MPRIP: variants seen among roughly 807,000 people sequenced by gnomAD.
MPRIP encodes myosin phosphatase Rho-interacting protein.
A neutral mutation model predicts 234.9 loss-of-function variants in MPRIP; 59 were observed. The ratio of observed to expected loss-of-function variants is 0.25; its 90% CI spans 0.20 to 0.31. MPRIP has a LOEUF of 0.31. Among genes scored for constraint, MPRIP ranks in the 10% least tolerant of loss-of-function variants. MPRIP has a pLI of 1.00. For missense variants in MPRIP, 2,436 were observed against 3,071.0 expected (o/e 0.79, Z 4.89); for synonymous variants, 1,144 against 1,263.9 (o/e 0.91, Z 2.01).
intron 3 of MPRIP, among the ~76,000 whole-genome samples, chr17:17,080,992 C>G (rs1390439365): frequency 6.6e-6 from 1 of 152,138 alleles, no homozygotes; most frequent in Non-Finnish European, 1.5e-5. Flanking sequence ...GTGGCACTCC[C>G]TACGTGGTGC....
intron 16 of MPRIP, chr17:17,168,277 C>G (rs377120844): frequency 3.6e-6 from 1 of 276,608 alleles, no homozygotes. Flanking sequence ...GCCCCGGGAA[C>G]CCCGTCTGGC....
In MPRIP at chr17:17,154,393, A is replaced by T. The variant is rs777305702; in HGVS notation, c.1807A>T (p.Thr603Ser). 6.2e-7 allele frequency: 1 copy of T among 1,613,960 alleles called. No homozygotes were observed. The highest frequency in any genetic ancestry group is 8.5e-7 in the Non-Finnish European group (1 of 1,179,992). ...IQTIMKHVHP[T>S]TAPDVTSSLP... ...GACCATCATGAAGCACGTGCACCCG[A>T]CCACTGCCCCGGATGTGACCAGGTA... Residue 603 changes from threonine to serine, a missense_variant, in exon 13 of 24, where the codon ACC becomes TCC. Physicochemically the swap from Thr to Ser is moderately conservative, Grantham distance 58. This residue lies in a region of MPRIP where 1,998 missense variants were observed against 2,520.3 expected (regional missense o/e 0.79). Transcript: ENST00000651222.
chr17:17,185,303 A>G lies in MPRIP; in HGVS notation c.*409A>G. On this transcript the variant is annotated 3_prime_UTR_variant, in exon 24 of 24. Transcript: ENST00000651222. ...ACGCCTCAAGGTAGATGGAATCCCC[A>G]CTGGTCAGAGAAAAAGCTATGCGGA... 1 of 353,324 alleles carries G rather than the reference A, an allele frequency of 2.8e-6. No individual in the cohort carries two copies. The highest frequency in any genetic ancestry group is 7.6e-5 in the East Asian group (1 of 13,192). The allele number at this position is 353,324 out of a possible 1,614,324, so 21.9% of individuals were successfully genotyped here.
Position 17,154,293 on chromosome 17 carries a change from CT to C in MPRIP, c.1720-9del. On this transcript the variant is annotated splice_polypyrimidine_tract_variant and intron_variant, in intron 12 of 23. Coordinates refer to ENST00000651222, the MANE Select transcript of MPRIP (RefSeq NM_001364716.4). ...GGGACAGTCACTGATGGTGCCTCAT[CT>C]TTTCTCTGTAGACAAAGGAGGGCGA... 6.2e-7 allele frequency: 1 copy of C among 1,613,014 alleles called. No individual in the cohort carries two copies. The highest frequency in any genetic ancestry group is 8.5e-7 in the Non-Finnish European group (1 of 1,179,316).
chr17:17,045,867 G>T (rs1597705543), intron 1 of MPRIP, among the ~76,000 whole-genome samples: 1 of 150,708 alleles, frequency 6.6e-6, no homozygotes, highest in East Asian at 1.9e-4. Context: ...GTGCAGTGGC[G>T]CGATCTGAGC....
intron 1 of MPRIP, among the ~76,000 whole-genome samples, chr17:17,073,082 T>G (rs529267650): frequency 6.6e-6 from 1 of 152,290 alleles, no homozygotes; most frequent in South Asian, 2.1e-4. Context: ...ACCTCTTGGC[T>G]GTCACCAACC....
intron 1 of MPRIP, among the ~76,000 whole-genome samples, chr17:17,066,579 T>C (rs8072964): frequency 1 from 152,140 of 152,140 alleles, 76,070 homozygotes; most frequent in Non-Finnish European, 1. Context: ...CCCCCTTTAT[T>C]TGCAAGAGAT....
At chr17:17,137,641 G>T (rs1234061259) in intron 6 of MPRIP, among the ~76,000 whole-genome samples, 1 of 149,026 alleles carries the variant, frequency 6.7e-6, no homozygotes, top group Non-Finnish European at 1.5e-5. Context: ...CAAGCCCCCA[G>T]ACTAGAACTG....
chr17:17,054,030 C>T (rs917969036), intron 1 of MPRIP, among the ~76,000 whole-genome samples: 3 of 152,128 alleles, frequency 2.0e-5, no homozygotes, highest in Admixed American at 1.3e-4. Context: ...TAAGTTTCTA[C>T]GGCATATTTC....
intron 13 of MPRIP, among the ~76,000 whole-genome samples, chr17:17,155,521 G>A (rs1027949998): frequency 1.3e-5 from 2 of 152,192 alleles, no homozygotes; most frequent in Non-Finnish European, 2.9e-5. Flanking sequence ...TGAAATTGCA[G>A]GCATGAGCCA....
At chr17:17,125,646 GCATGGGCACCA>G (rs2090477021) in intron 3 of MPRIP, among the ~76,000 whole-genome samples, 1 of 152,248 alleles carries the variant, frequency 6.6e-6, no homozygotes, top group African/African-American at 2.4e-5. Context: ...TCTGAGCTCA[GCATGGGCACCA>G]GACCCAGCAT....
rs3833096 is a variant in MPRIP at position 17,185,573 on chromosome 17, C to CTCCTTCCT, written c.*696_*703dup. On this transcript the variant is annotated 3_prime_UTR_variant, in exon 24 of 24. Coordinates refer to ENST00000651222, the MANE Select transcript of MPRIP (RefSeq NM_001364716.4). ...ATCTTGCACAAAATCCCCGGCCCCT[C>CTCCTTCCT]TCCTTCCTTCCTTCCTTCCTTCCTC... 113 of 455,384 alleles carry CTCCTTCCT rather than the reference C, an allele frequency of 2.5e-4. 1 individual carries two copies. The highest frequency in any genetic ancestry group is 1.5e-3 in the East Asian group (21 of 14,236). 28.2% of individuals were successfully genotyped at this position (455,384 alleles called of 1,614,324 possible).
At chr17:17,144,563 GAT>G (rs1228338974) in intron 9 of MPRIP, among the ~76,000 whole-genome samples, 2 of 152,166 alleles carry the variant, frequency 1.3e-5, no homozygotes, top group Non-Finnish European at 2.9e-5. Context: ...TTTTGTTAAA[GAT>G]CTGCAAGCTA....
At chr17:17,082,721 C>T (rs926979983) in intron 3 of MPRIP, among the ~76,000 whole-genome samples, 2 of 152,190 alleles carry the variant, frequency 1.3e-5, no homozygotes, top group African/African-American at 4.8e-5. Context: ...GGTCTCTCTC[C>T]AGGACCCTTT....
intron 1 of MPRIP, among the ~76,000 whole-genome samples, chr17:17,057,306 C>T (rs753808094): frequency 2.0e-5 from 3 of 152,360 alleles, no homozygotes; most frequent in Non-Finnish European, 2.9e-5. Flanking sequence ...GGCAGTGTCA[C>T]GGGGCGGTGC....
Position 17,172,773 on chromosome 17 carries a change from G to C in MPRIP, c.6548G>C (p.Ser2183Thr). The C allele has an allele frequency of 6.2e-7, 1 of 1,612,606 alleles. No individual in the cohort carries two copies. Among genetic ancestry groups the C allele is most frequent in the Non-Finnish European group, 8.5e-7 (1 of 1,180,022 alleles). Residue 2183 changes from serine (S) to threonine (T), a missense_variant, in exon 18 of 24, where the codon AGC becomes ACC. This residue lies in a region of MPRIP where 1,998 missense variants were observed against 2,520.3 expected (regional missense o/e 0.79). Coordinates refer to ENST00000651222, the MANE Select transcript of MPRIP (RefSeq NM_001364716.4). ...GAGAAGAGCCAGCGGTCCCAGATCA[G>C]CAGCGTCAACTCGGATGTTGAGGCC... The part of the protein sequence containing the change: ...ELEKSQRSQI[S>T]SVNSDVEALR...
intron 1 of MPRIP, among the ~76,000 whole-genome samples, chr17:17,047,915 G>A (rs1320421876): frequency 1.3e-5 from 2 of 152,144 alleles, no homozygotes; most frequent in Non-Finnish European, 2.9e-5. Context: ...AGCCTAGGAA[G>A]CCCCCATGTA....
At chr17:17,083,936 T>C (rs985325670) in intron 3 of MPRIP, among the ~76,000 whole-genome samples, 1 of 152,120 alleles carries the variant, frequency 6.6e-6, no homozygotes, top group Admixed American at 6.5e-5. Flanking sequence ...GTAGAAACGG[T>C]TTCATCGTGT....
chr17:17,054,508 A>T (rs1481267579), intron 1 of MPRIP, among the ~76,000 whole-genome samples: 1 of 152,158 alleles, frequency 6.6e-6, no homozygotes, highest in African/African-American at 2.4e-5. Context: ...ATCACAGGAC[A>T]CACTTGCACC....
Sources: gnomAD v4.1 joint callset for allele counts (sites outside exome capture counted in the v4.1 genomes callset) on GRCh38, gnomAD v4.1.1 for gene constraint, gnomAD v4.1.1 regional missense constraint, MANE v1.5 for transcripts, NCBI Gene and HGNC (gene_info 2026-07-23, HGNC 2026-07-21) for gene names.